IRAG2: variants seen among roughly 807,000 people sequenced by gnomAD.
IRAG2 encodes the protein inositol 1,4,5-triphosphate receptor associated 2, also known as lymphoid restricted membrane protein.
Under a neutral mutation model 69.9 loss-of-function variants are expected in IRAG2, and 45 were observed. The observed-to-expected ratio is 0.64, with a 90% CI of 0.51 to 0.83. The LOEUF (loss-of-function observed/expected upper bound fraction) is 0.83, where lower values mean the gene tolerates loss of function less well. Ranked by LOEUF, IRAG2 falls within the 40% of genes least tolerant of loss-of-function variation. The pLI is 0.00. For missense variants in IRAG2, 520 were observed against 587.0 expected, an observed-to-expected ratio of 0.89 and a Z score of 1.18; for synonymous variants, 193 against 202.4, an observed-to-expected ratio of 0.95 and a Z score of 0.40.
intron 16 of IRAG2, among the ~76,000 whole-genome samples, chr12:25,101,773 G>A (rs186468634): frequency 5.3e-5 from 8 of 152,258 alleles, no homozygotes; most frequent in South Asian, 2.1e-4. Context: ...ATGAGGCCAC[G>A]GGGAGTAACA....
At chr12:25,013,699 A>C (rs1944495458) in intron 3 of IRAG2, among the ~76,000 whole-genome samples, 1 of 152,120 alleles carries the variant, frequency 6.6e-6, no homozygotes, top group African/African-American at 2.4e-5. Context: ...AATATTTGAT[A>C]AGAGAAATTA....
intron 15 of IRAG2, among the ~76,000 whole-genome samples, chr12:25,099,354 G>A (rs7960428): frequency 0.18 from 27,523 of 152,066 alleles, 2,642 homozygotes; most frequent in Middle Eastern, 0.24. Context: ...CCAAAATAGG[G>A]GCAGAGGGAG....
At chr12:25,020,242 T>G (rs935966309) in intron 6 of IRAG2, among the ~76,000 whole-genome samples, 3 of 152,174 alleles carry the variant, frequency 2.0e-5, no homozygotes, top group East Asian at 1.9e-4. Context: ...GATGTTTAGG[T>G]TTTTTTTCCA....
intron 6 of IRAG2, among the ~76,000 whole-genome samples, chr12:25,071,576 T>C (rs1946341727): frequency 6.6e-6 from 1 of 152,152 alleles, no homozygotes; most frequent in African/African-American, 2.4e-5. Flanking sequence ...GCCATGTGAT[T>C]AATCTGCTCC....
chr12:25,008,987 G>A (rs1944453375), intron 2 of IRAG2, among the ~76,000 whole-genome samples: 2 of 151,952 alleles, frequency 1.3e-5, no homozygotes, highest in Admixed American at 1.3e-4. Flanking sequence ...ATGTCAATTG[G>A]ATATTAATTT....
At chr12:25,031,813 C>T (rs991415559) in intron 10 of IRAG2, among the ~76,000 whole-genome samples, 1 of 152,290 alleles carries the variant, frequency 6.6e-6, no homozygotes, top group Non-Finnish European at 1.5e-5. Context: ...CAGGCATGCG[C>T]CACCACACCC....
chr12:25,066,665 C>CTTTTTTTT (rs781555051), intron 5 of IRAG2, among the ~76,000 whole-genome samples, 153 bp downstream of exon 5: 1 of 142,082 alleles, frequency 7.0e-6, no homozygotes, highest in Non-Finnish European at 1.5e-5. Flanking sequence ...TTCTTTCTTT[C>CTTTTTTTT]TTTTTTTTTT....
chr12:25,079,276 C>T lies in IRAG2; in HGVS notation c.57C>T (p.Ser19=). ...ENGVERVCPE[S]LLQSREYSSL... Reference sequence around the variant, plus strand: ...GTGTTGAACGCGTGTGTCCTGAGAGCCTGCTGCAGTCCAGGTTTGCTTGTT... The same window carrying T: ...GTGTTGAACGCGTGTGTCCTGAGAGTCTGCTGCAGTCCAGGTTTGCTTGTT... The change falls in exon 7 of 22, where the codon AGC becomes AGT. Residue 19 remains serine (S), a synonymous_variant. Coordinates refer to ENST00000556887, the MANE Select transcript of IRAG2 (RefSeq NM_001366544.2). 1 of 1,614,010 alleles carries T rather than the reference C, an allele frequency of 6.2e-7. No homozygotes were observed. The highest frequency in any genetic ancestry group is 8.5e-7 in the Non-Finnish European group (1 of 1,179,918).
At chr12:25,034,050 A>G (rs1944688274) in intron 13 of IRAG2, 1 of 396,102 alleles carries the variant, frequency 2.5e-6, no homozygotes, top group Non-Finnish European at 4.4e-6. Flanking sequence ...TACCAGTGAC[A>G]CTGAGAGAAT....
At chr12:25,107,091 TGGGAAA>T in intron 21 of IRAG2, 41 bp downstream of exon 21, 1 of 1,134,896 alleles carries the variant, frequency 8.8e-7, no homozygotes, top group Non-Finnish European at 1.3e-6. Context: ...TTTAGTGGAA[TGGGAAA>T]GGGTGAGGCA....
chr12:25,037,406 C>T (rs1215093206), intron 15 of IRAG2, among the ~76,000 whole-genome samples: 1 of 152,144 alleles, frequency 6.6e-6, no homozygotes, highest in Admixed American at 6.5e-5. Context: ...CCAAGTGATT[C>T]TCCTGCCTCA....
chr12:25,051,049 G>A (rs1944857646), upstream of IRAG2, among the ~76,000 whole-genome samples: 1 of 152,156 alleles, frequency 6.6e-6, no homozygotes, highest in Non-Finnish European at 1.5e-5. Flanking sequence ...GAGATCTGCT[G>A]TACAACATTA....
chr12:25,001,963 G>A (rs922200145), upstream of IRAG2, among the ~76,000 whole-genome samples: 1 of 151,934 alleles, frequency 6.6e-6, no homozygotes, highest in African/African-American at 2.4e-5. Context: ...TAGAGACGGG[G>A]TTTCATCATG....
At position 25,107,798 on chromosome 12, in the gene IRAG2, A is replaced by G. The variant is rs780933594; in HGVS notation, c.1257-19A>G. The G allele has an allele frequency of 5.0e-6, 8 of 1,599,928 alleles. No homozygotes were observed. The highest frequency in any genetic ancestry group is 6.8e-6 in the Non-Finnish European group (8 of 1,168,372). ...GACAAATTACCGATTACCAAATTCT[A>G]TTTGTGTTTTCCTTATAGTTATGAC... is the stretch of plus-strand genomic sequence containing the variant. On this transcript the variant is annotated intron_variant, in intron 21 of 21. Coordinates refer to ENST00000556887, the MANE Select transcript of IRAG2 (RefSeq NM_001366544.2).
chr12:25,010,630 CCTT>C (rs778647404), intron 2 of IRAG2, among the ~76,000 whole-genome samples: 1 of 151,710 alleles, frequency 6.6e-6, no homozygotes, highest in African/African-American at 2.4e-5. Flanking sequence ...AGTATCTCCT[CCTT>C]CTAATTAAGA....
chr12:25,048,378 C>G (rs1398915486), upstream of IRAG2, among the ~76,000 whole-genome samples: 1 of 152,034 alleles, frequency 6.6e-6, no homozygotes, highest in African/African-American at 2.4e-5. Context: ...CTCACTGCAA[C>G]CTCCACCTCC....
intron 9 of IRAG2, among the ~76,000 whole-genome samples, chr12:25,028,365 GC>G (rs1419519804): frequency 1.3e-5 from 2 of 152,028 alleles, no homozygotes; most frequent in African/African-American, 4.8e-5. Flanking sequence ...ATATTATATG[GC>G]AATTTTTAAT....
At chr12:25,041,475 CTTTTCTTTTG>C (rs982890130) in intron 16 of IRAG2, among the ~76,000 whole-genome samples, 1 of 151,194 alleles carries the variant, frequency 6.6e-6, no homozygotes, top group African/African-American at 2.4e-5. Flanking sequence ...GGAGAGTTTT[CTTTTCTTTTG>C]TTTTCTTTTT....
At chr12:25,090,245 C>T in intron 14 of IRAG2, 48 bp downstream of exon 14, 1 of 1,556,988 alleles carries the variant, frequency 6.4e-7, no homozygotes, top group Non-Finnish European at 8.8e-7. Context: ...TAGCCAGGCA[C>T]AGTGGCTCAC....
Sources: allele counts gnomAD v4.1 joint callset (sites outside exome capture counted in the v4.1 genomes callset), GRCh38; gene constraint gnomAD v4.1.1; transcripts MANE v1.5; gene names NCBI Gene and HGNC (gene_info 2026-07-23, HGNC 2026-07-21).